Variants in ARHGAP12 observed in about 807,000 individuals in gnomAD.
The protein encoded by ARHGAP12 is Rho GTPase activating protein 12, also known as rho GTPase-activating protein 12.
In ARHGAP12, 64 loss-of-function variants were observed where a neutral mutation model predicts 108.6. That is an observed-to-expected ratio of 0.59 (90% CI 0.48 to 0.73). The LOEUF is 0.73. ARHGAP12 is among the 30% of genes least tolerant of loss of function. The probability of loss-of-function intolerance (pLI) is 0.00; values close to 1 mark genes in which losing one functional copy is unlikely to be tolerated. For missense variants in ARHGAP12, 940 were observed against 1,005.9 expected, an observed-to-expected ratio of 0.93 and a Z score of 0.89; for synonymous variants, 312 against 337.2, an observed-to-expected ratio of 0.93 and a Z score of 0.82.
Position 31,839,714 on chromosome 10 carries a change from A to G in ARHGAP12, c.1297-3T>C, listed in dbSNP as rs969653250. On this transcript the variant is annotated splice_polypyrimidine_tract_variant and splice_region_variant and intron_variant, in intron 7 of 19. Coordinates refer to ENST00000344936, the MANE Select transcript of ARHGAP12 (RefSeq NM_018287.7). ...GGTTTTGAGGCAGTTGGAGATTCCTACAAGAAATAAGTAATGAAAAAAGTT... is the reference window on the plus strand; with the variant it reads ...GGTTTTGAGGCAGTTGGAGATTCCTGCAAGAAATAAGTAATGAAAAAAGTT... The G allele has an allele frequency of 1.9e-6, 3 of 1,600,108 alleles. No homozygotes were observed. The highest frequency in any genetic ancestry group is 2.6e-6 in the Non-Finnish European group (3 of 1,170,262).
intron 3 of ARHGAP12, among the ~76,000 whole-genome samples, chr10:31,885,645 C>G (rs985898638): frequency 1.3e-5 from 2 of 151,998 alleles, no homozygotes; most frequent in African/African-American, 4.8e-5. Flanking sequence ...ATGGCAAAAT[C>G]CCATCTCTAC....
chr10:31,834,583 C>A (rs538136660), intron 9 of ARHGAP12, among the ~76,000 whole-genome samples: 25 of 152,242 alleles, frequency 1.6e-4, no homozygotes, highest in African/African-American at 5.8e-4. Flanking sequence ...ACTAAGACAC[C>A]CTTAATGCAA....
At chr10:31,919,482 T>C (rs1226888731) in intron 1 of ARHGAP12, among the ~76,000 whole-genome samples, 2 of 152,198 alleles carry the variant, frequency 1.3e-5, no homozygotes, top group African/African-American at 4.8e-5. Flanking sequence ...CATGAAGCTC[T>C]TACAAATCCT....
intron 3 of ARHGAP12, among the ~76,000 whole-genome samples, chr10:31,880,310 C>CA (rs372304871): frequency 3.1e-4 from 47 of 152,114 alleles, no homozygotes; most frequent in African/African-American, 8.4e-4. Context: ...GTTGGGTATT[C>CA]AAAAATCTTT....
chr10:31,816,232 G>A (rs924613589), intron 13 of ARHGAP12, among the ~76,000 whole-genome samples: 11 of 132,366 alleles, frequency 8.3e-5, no homozygotes, highest in Middle Eastern at 8.8e-3. Flanking sequence ...TCTTCACTTG[G>A]CTTATTCCCT....
At chr10:31,833,666 T>G (rs1835913926) in intron 9 of ARHGAP12, among the ~76,000 whole-genome samples, 1 of 152,204 alleles carries the variant, frequency 6.6e-6, no homozygotes, top group Admixed American at 6.5e-5. Context: ...ACAATTCCCA[T>G]GCAATGTGAT....
intron 4 of ARHGAP12, among the ~76,000 whole-genome samples, chr10:31,855,489 C>T (rs1035380104): frequency 4.6e-5 from 7 of 152,176 alleles, no homozygotes; most frequent in African/African-American, 1.7e-4. Context: ...TAGTTAAAGA[C>T]ACTAAGAGCC....
chr10:31,820,041 C>T (rs1267775916), intron 12 of ARHGAP12, among the ~76,000 whole-genome samples: 1 of 151,944 alleles, frequency 6.6e-6, no homozygotes, highest in African/African-American at 2.4e-5. Flanking sequence ...CCATACACCC[C>T]CTGCCCACCC....
At chr10:31,888,592 T>G (rs995760692) in intron 3 of ARHGAP12, among the ~76,000 whole-genome samples, 1 of 152,154 alleles carries the variant, frequency 6.6e-6, no homozygotes, top group Non-Finnish European at 1.5e-5. Flanking sequence ...GTTCCAATCA[T>G]TCCTAATGCC....
Position 31,925,928 on chromosome 10 carries a change from G to T in ARHGAP12, c.-111+2755C>A, listed in dbSNP as rs373473742. 1.6e-4 allele frequency among the ~76,000 whole-genome samples: 24 copies of T among 152,294 alleles called. No homozygotes were observed. In the East Asian group the frequency reaches 4.0e-3, roughly 26 times the overall value. On this transcript the variant is annotated intron_variant, in intron 1 of 19. Coordinates refer to ENST00000344936, the MANE Select transcript of ARHGAP12 (RefSeq NM_018287.7). ...CTATTACATGTTAAAATGATATTGT[G>T]AATATACTAAGTAAAATATATTCAT...
chr10:31,907,213 CTTAAAG>C (rs1839166262), intron 3 of ARHGAP12, among the ~76,000 whole-genome samples: 1 of 152,274 alleles, frequency 6.6e-6, no homozygotes, highest in African/African-American at 2.4e-5. Context: ...TTTAAATTCA[CTTAAAG>C]TTAGACTTTT....
At chr10:31,819,039 A>C (rs1005866480) in intron 12 of ARHGAP12, among the ~76,000 whole-genome samples, 1 of 152,152 alleles carries the variant, frequency 6.6e-6, no homozygotes, top group African/African-American at 2.4e-5. Flanking sequence ...GGAAAAACAT[A>C]GTCTCTTTAC....
chr10:31,881,921 T>G (rs1024466408), intron 3 of ARHGAP12, among the ~76,000 whole-genome samples: 3 of 151,226 alleles, frequency 2.0e-5, no homozygotes, highest in Admixed American at 2.0e-4. Context: ...AGATGTTTTT[T>G]TTTTTTTTTT....
chr10:31,865,366 T>C (rs981780543), intron 3 of ARHGAP12, among the ~76,000 whole-genome samples: 2 of 152,130 alleles, frequency 1.3e-5, no homozygotes, highest in East Asian at 3.9e-4. Context: ...TAAATTAACA[T>C]ACAGGTTGTA....
intron 3 of ARHGAP12, among the ~76,000 whole-genome samples, chr10:31,896,491 A>G (rs1838702453): frequency 6.6e-6 from 1 of 152,100 alleles, no homozygotes. Flanking sequence ...TGTCAGCCTC[A>G]TAGAGAAAAG....
At chr10:31,889,619 G>GTTTTTTTTTTTTTTTTT (rs869116452) in intron 3 of ARHGAP12, among the ~76,000 whole-genome samples, 1 of 66,420 alleles carries the variant, frequency 1.5e-5, no homozygotes, top group Non-Finnish European at 2.6e-5. Context: ...AATTTTTCTC[G>GTTTTTTTTTTTTTTTTT]TTTTTTTTTT....
chr10:31,924,121 A>G (rs1246038083), intron 1 of ARHGAP12, among the ~76,000 whole-genome samples: 1 of 152,244 alleles, frequency 6.6e-6, no homozygotes, highest in Non-Finnish European at 1.5e-5. Context: ...AAAATGGTAC[A>G]ACCACTGCGG....
At chr10:31,856,800 A>C (rs1329058009) in intron 4 of ARHGAP12, among the ~76,000 whole-genome samples, 1 of 152,192 alleles carries the variant, frequency 6.6e-6, no homozygotes, top group African/African-American at 2.4e-5. Flanking sequence ...AAAACAGTAT[A>C]ATCAGACTCT....
At chr10:31,865,933 G>A (rs1397773187) in intron 3 of ARHGAP12, among the ~76,000 whole-genome samples, 1 of 151,932 alleles carries the variant, frequency 6.6e-6, no homozygotes, top group African/African-American at 2.4e-5. Flanking sequence ...TACACGTGGG[G>A]TCAATAACAT....
Sources: gnomAD v4.1 joint callset for allele counts (sites outside exome capture counted in the v4.1 genomes callset) on GRCh38, gnomAD v4.1.1 for gene constraint, MANE v1.5 for transcripts, NCBI Gene and HGNC (gene_info 2026-07-23, HGNC 2026-07-21) for gene names.